The following CCDC85A variants were observed in gnomAD, a reference collection of about 807,000 sequenced individuals.
The protein encoded by CCDC85A is coiled-coil domain containing 85A, also known as coiled-coil domain-containing protein 85A.
CCDC85A carries 38 observed loss-of-function variants against 50.2 expected under a neutral mutation model. The observed-to-expected ratio is 0.76, with a 90% CI of 0.58 to 0.99. The LOEUF is 0.99. Ranked by LOEUF, CCDC85A falls within the 50% of genes least tolerant of loss-of-function variation. The probability of loss-of-function intolerance (pLI) is 0.00; values close to 1 mark genes in which losing one functional copy is unlikely to be tolerated. For missense variants in CCDC85A, 820 were observed against 742.0 expected (o/e 1.11, Z -1.22); for synonymous variants, 366 against 301.4 (o/e 1.21, Z -2.22).
At chr2:56,318,980 A>C (rs78488065) in intron 2 of CCDC85A, among the ~76,000 whole-genome samples, 1,942 of 152,220 alleles carry the variant, frequency 0.013, 52 homozygotes, top group African/African-American at 0.044. Context: ...TTGTGCACCA[A>C]TGATGATTGT....
chr2:56,286,648 A>G (rs565297135), intron 2 of CCDC85A, among the ~76,000 whole-genome samples: 115 of 152,280 alleles, frequency 7.6e-4, no homozygotes, highest in African/African-American at 2.5e-3. Context: ...GAACATATTT[A>G]TAATAACTAT....
intron 2 of CCDC85A, among the ~76,000 whole-genome samples, chr2:56,264,747 A>G (rs778111552): frequency 6.6e-6 from 1 of 152,200 alleles, no homozygotes; most frequent in Non-Finnish European, 1.5e-5. Context: ...AGGACTTAAA[A>G]GACAGGCCCT....
At chr2:56,370,045 G>A (rs17268792) in intron 3 of CCDC85A, among the ~76,000 whole-genome samples, 13,271 of 152,008 alleles carry the variant, frequency 0.087, 686 homozygotes, top group Middle Eastern at 0.12. Context: ...GTCATTCAGG[G>A]ATTCTTTTTC....
intron 3 of CCDC85A, among the ~76,000 whole-genome samples, chr2:56,346,552 G>A: frequency 6.6e-6 from 1 of 152,194 alleles, no homozygotes; most frequent in South Asian, 2.1e-4. Flanking sequence ...ATCTGCCATG[G>A]TGTGTACTGT....
At position 56,184,306 on chromosome 2, in the gene CCDC85A, T is replaced by C. The variant is rs1350230403; in HGVS notation, c.-319T>C. 7.8e-6 allele frequency: 5 copies of C among 638,452 alleles called. No homozygotes were observed. The East Asian group carries it at 2.0e-4, about 25-fold the overall frequency. 39.5% of individuals were successfully genotyped at this position (638,452 alleles called of 1,614,324 possible). A position where few individuals can be genotyped will look rare whatever the true frequency, so the allele number is the denominator to read the frequency against. On this transcript the variant is annotated 5_prime_UTR_variant, in exon 1 of 6. Coordinates refer to ENST00000407595, the MANE Select transcript of CCDC85A (RefSeq NM_001080433.2). ...GGGAACGGCGGTGCAGCTCCCCCGC[T>C]GTCCCCGAGGATTTCCCGCGGCAGC...
intron 2 of CCDC85A, among the ~76,000 whole-genome samples, chr2:56,273,970 A>G (rs1670812833): frequency 6.6e-6 from 1 of 152,182 alleles, no homozygotes; most frequent in African/African-American, 2.4e-5. Context: ...GGAAAGCCCT[A>G]AAATGATATA....
At chr2:56,324,256 G>C (rs1264804719) in intron 2 of CCDC85A, among the ~76,000 whole-genome samples, 1 of 152,088 alleles carries the variant, frequency 6.6e-6, no homozygotes, top group Non-Finnish European at 1.5e-5. Context: ...ACAGAGGGGA[G>C]AAGGGTGTAT....
Position 56,385,563 on chromosome 2 carries a change from T to G in CCDC85A, c.*1208T>G, listed in dbSNP as rs1676785234. On this transcript the variant is annotated 3_prime_UTR_variant, in exon 6 of 6. Transcript: ENST00000407595. Reference sequence around the variant, plus strand: ...GTGCAAGAGGCCTGTGACCGAATGCTACGTTTTTATGGTAGTTTAAGATTA... The same window carrying G: ...GTGCAAGAGGCCTGTGACCGAATGCGACGTTTTTATGGTAGTTTAAGATTA... The G allele has an allele frequency of 6.6e-6, 1 of 152,136 alleles. No homozygotes were observed. Among genetic ancestry groups the G allele is most frequent in the African/African-American group, 2.4e-5 (1 of 41,314 alleles). 9.4% of individuals were successfully genotyped at this position (152,136 alleles called of 1,614,324 possible).
intron 2 of CCDC85A, among the ~76,000 whole-genome samples, chr2:56,274,039 G>A (rs931051858): frequency 3.9e-5 from 6 of 152,146 alleles, no homozygotes; most frequent in African/African-American, 1.4e-4. Context: ...ACTGTATCTG[G>A]AGGATGGGAG....
intron 2 of CCDC85A, among the ~76,000 whole-genome samples, chr2:56,333,568 C>T (rs1441422389): frequency 3.3e-5 from 5 of 151,992 alleles, no homozygotes; most frequent in African/African-American, 7.3e-5. Flanking sequence ...TCAGAGTTAG[C>T]GTTTTAGAAA....
intron 2 of CCDC85A, among the ~76,000 whole-genome samples, chr2:56,250,023 C>CA (rs1669685914): frequency 6.6e-6 from 1 of 152,172 alleles, no homozygotes; most frequent in South Asian, 2.1e-4. Context: ...TGCCAGCAGC[C>CA]ATGAAGGGCA....
intron 2 of CCDC85A, among the ~76,000 whole-genome samples, chr2:56,201,079 CACACACACACACACACACACACACACACA>C (rs1676721670): frequency 7.3e-6 from 1 of 137,900 alleles, no homozygotes; most frequent in African/African-American, 2.8e-5. Flanking sequence ...TCTCTCTCCA[CACACACACACACACACACACACACACACA>C]CACACACACA....
rs1451405937 is a variant in CCDC85A, at chr2:56,372,439, A to C, written c.1413A>C (p.Gln471His). The change falls in exon 4 of 6, where the codon CAA (glutamine) becomes CAC (histidine). Residue 471 changes from glutamine to histidine, a missense_variant. By Grantham distance (24) the Gln-to-His change is conservative. Transcript: ENST00000407595. ...CCCGGCGGGTCTTGCAGTGGTGGCA[A>C]GGGTGCCGAGGAATAGGACGATGCC... ...SRARRVLQWW[Q>H]GCRGIGRCLP... The C allele has an allele frequency of 3.7e-6, 6 of 1,609,978 alleles. No homozygotes were observed. The highest frequency in any genetic ancestry group is 3.4e-5 in the Admixed American group (2 of 59,590).
At chr2:56,286,627 T>A (rs1314410186) in intron 2 of CCDC85A, among the ~76,000 whole-genome samples, 1 of 152,182 alleles carries the variant, frequency 6.6e-6, no homozygotes, top group African/African-American at 2.4e-5. Context: ...CATATTTTCC[T>A]TTAAGCCCTT....
At position 56,377,791 on chromosome 2, in the gene CCDC85A, G is replaced by C. The variant is rs938483440; in HGVS notation, c.1572+1856G>C. 3.3e-5 allele frequency among the ~76,000 whole-genome samples: 5 copies of C among 152,072 alleles called. No homozygotes were observed. In the East Asian group the frequency reaches 9.7e-4, roughly 29 times the overall value. On this transcript the variant is annotated intron_variant, in intron 5 of 5. Coordinates refer to ENST00000407595, the MANE Select transcript of CCDC85A (RefSeq NM_001080433.2). ...TAATCCCAGCTACTTGGGAGGCTGA[G>C]GCAGGAGAATTGCTTGAATCCGGGA...
At chr2:56,289,948 C>G (rs1255356362) in intron 2 of CCDC85A, among the ~76,000 whole-genome samples, 4 of 152,104 alleles carry the variant, frequency 2.6e-5, no homozygotes, top group Admixed American at 6.5e-5. Flanking sequence ...GAACTTGTCT[C>G]TGGTACTAGG....
chr2:56,383,176 T>TA (rs1676670209), intron 5 of CCDC85A, among the ~76,000 whole-genome samples: 1 of 152,030 alleles, frequency 6.6e-6, no homozygotes. Context: ...CAGAGCCCTA[T>TA]ATTGTGTATT....
intron 2 of CCDC85A, among the ~76,000 whole-genome samples, chr2:56,300,937 T>C (rs1672173372): frequency 6.6e-6 from 1 of 152,190 alleles, no homozygotes; most frequent in African/African-American, 2.4e-5. Context: ...AAACACAAAC[T>C]CCGAAGTTTA....
At chr2:56,210,239 G>T (rs1351146099) in intron 2 of CCDC85A, among the ~76,000 whole-genome samples, 1 of 152,036 alleles carries the variant, frequency 6.6e-6, no homozygotes, top group African/African-American at 2.4e-5. Context: ...TACCGTCACA[G>T]TCATGTTTTA....
Sources: gnomAD v4.1 joint callset for allele counts (sites outside exome capture counted in the v4.1 genomes callset) on GRCh38, gnomAD v4.1.1 for gene constraint, MANE v1.5 for transcripts, NCBI Gene and HGNC (gene_info 2026-07-23, HGNC 2026-07-21) for gene names.